IL1RAPL1: variants seen among roughly 807,000 people sequenced by gnomAD.
The protein encoded by IL1RAPL1 is interleukin 1 receptor accessory protein like 1.
A neutral mutation model predicts 48.4 loss-of-function variants in IL1RAPL1; 3 were observed. That is an observed-to-expected ratio of 0.06 (90% CI 0.03 to 0.16). IL1RAPL1 has a LOEUF of 0.16. Among genes scored for constraint, IL1RAPL1 ranks in the 10% least tolerant of loss-of-function variants. IL1RAPL1 has a pLI of 1.00. For synonymous variants in IL1RAPL1, 185 were observed against 187.7 expected, an observed-to-expected ratio of 0.99 and a Z score of 0.12; for missense variants, 349 against 530.6, an observed-to-expected ratio of 0.66 and a Z score of 3.36.
intron 5 of IL1RAPL1, among the ~76,000 whole-genome samples, chrX:29,427,107 G>T (rs894740696): frequency 9.0e-6 from 1 of 111,721 alleles, no homozygotes; most frequent in Admixed American, 9.6e-5. Flanking sequence ...GAACATGGGG[G>T]TGTTAACATT....
chrX:29,331,682 A>G (rs756879083), intron 3 of IL1RAPL1, among the ~76,000 whole-genome samples: 25 of 112,198 alleles, frequency 2.2e-4, no homozygotes, highest in Middle Eastern at 9.3e-3. Context: ...TTCCAACTTC[A>G]ATTTTAACAT....
intron 3 of IL1RAPL1, among the ~76,000 whole-genome samples, chrX:29,337,504 G>A (rs1439794264): frequency 9.0e-6 from 1 of 111,140 alleles, no homozygotes; most frequent in African/African-American, 3.3e-5. Flanking sequence ...TGACCCTTGA[G>A]TTTATGCTTA....
At chrX:28,797,709 C>T (rs1283849808) in intron 2 of IL1RAPL1, among the ~76,000 whole-genome samples, 1 of 111,639 alleles carries the variant, frequency 9.0e-6, no homozygotes, top group Non-Finnish European at 1.9e-5. Context: ...CCCACCTTTT[C>T]CTGTCTTCTT....
intron 1 of IL1RAPL1, among the ~76,000 whole-genome samples, chrX:28,632,818 A>G (rs769924709): frequency 6.9e-4 from 76 of 109,514 alleles, no homozygotes; most frequent in African/African-American, 2.1e-3. Flanking sequence ...GAATTTGCAT[A>G]TCTGCAACTA....
chrX:29,501,705 G>T (rs775689016), intron 5 of IL1RAPL1, among the ~76,000 whole-genome samples: 1 of 109,311 alleles, frequency 9.1e-6, no homozygotes, highest in Non-Finnish European at 1.9e-5. Context: ...TGCTGATTTG[G>T]TTACTATGTC....
At chrX:29,252,109 C>A (rs867482945) in intron 2 of IL1RAPL1, among the ~76,000 whole-genome samples, 15 of 99,885 alleles carry the variant, frequency 1.5e-4, no homozygotes, top group Middle Eastern at 5.3e-3. Context: ...ACTCTGGGGA[C>A]TGTTGTGGGG....
chrX:29,393,560 G>C (rs1021116832), intron 3 of IL1RAPL1, among the ~76,000 whole-genome samples: 1 of 110,992 alleles, frequency 9.0e-6, no homozygotes, highest in Non-Finnish European at 1.9e-5. Flanking sequence ...TGAATGTCTC[G>C]TATTCCATAC....
Position 29,652,000 on chromosome X carries a change from T to C in IL1RAPL1, c.704-16430T>C, listed in dbSNP as rs766312705. 4.5e-5 allele frequency among the ~76,000 whole-genome samples: 5 copies of C among 112,054 alleles called. No individual in the cohort carries two copies. In the East Asian group the frequency reaches 1.1e-3, roughly 25 times the overall value. ...TCCTGTAGTGTATTTTCAAGATGAATAAGTTTTCTAAAGTAACTGAAGCAT... is the reference window on the plus strand; with the variant it reads ...TCCTGTAGTGTATTTTCAAGATGAACAAGTTTTCTAAAGTAACTGAAGCAT... On this transcript the variant is annotated intron_variant, in intron 5 of 10. Coordinates refer to ENST00000378993, the MANE Select transcript of IL1RAPL1 (RefSeq NM_014271.4).
chrX:29,246,823 G>A (rs1931522488), intron 2 of IL1RAPL1, among the ~76,000 whole-genome samples: 1 of 111,220 alleles, frequency 9.0e-6, no homozygotes. Flanking sequence ...CAAAGATTGA[G>A]AGTTCTGAAA....
intron 2 of IL1RAPL1, among the ~76,000 whole-genome samples, chrX:29,112,715 A>G (rs1386033354): frequency 9.2e-6 from 1 of 108,884 alleles, no homozygotes; most frequent in Non-Finnish European, 1.9e-5. Flanking sequence ...ATGTCTGACC[A>G]TTCACTAGGA....
chrX:29,474,845 A>C (rs1012837979), intron 5 of IL1RAPL1, among the ~76,000 whole-genome samples: 1 of 111,472 alleles, frequency 9.0e-6, no homozygotes, highest in African/African-American at 3.3e-5. Context: ...TTTGGAGGGA[A>C]TACACATCCA....
intron 2 of IL1RAPL1, among the ~76,000 whole-genome samples, chrX:28,972,290 G>T (rs1423702805): frequency 3.6e-5 from 4 of 111,691 alleles, no homozygotes; most frequent in African/African-American, 1.3e-4. Context: ...TACATTGCTA[G>T]ACATAAAACA....
intron 2 of IL1RAPL1, among the ~76,000 whole-genome samples, chrX:29,201,914 C>T (rs769503368): frequency 1.2e-4 from 13 of 111,770 alleles, no homozygotes; most frequent in East Asian, 2.8e-4. Context: ...AGGCTGGTTG[C>T]GAACTCCTGA....
intron 2 of IL1RAPL1, among the ~76,000 whole-genome samples, chrX:28,858,380 A>G (rs982631833): frequency 1.8e-5 from 2 of 112,068 alleles, no homozygotes; most frequent in African/African-American, 3.2e-5. Flanking sequence ...ACAGCATTGC[A>G]TGCTACAAAT....
chrX:29,621,956 G>A (rs770363231), intron 5 of IL1RAPL1, among the ~76,000 whole-genome samples: 16 of 111,729 alleles, frequency 1.4e-4, no homozygotes, highest in Non-Finnish European at 2.3e-4. Context: ...CAACCAATAT[G>A]CTATCTTCTT....
intron 2 of IL1RAPL1, among the ~76,000 whole-genome samples, chrX:28,790,502 A>G (rs1336493970): frequency 8.9e-6 from 1 of 112,954 alleles, no homozygotes; most frequent in Admixed American, 9.3e-5. Context: ...TCCTGGGGAT[A>G]AAGTCTGAAG....
intron 2 of IL1RAPL1, among the ~76,000 whole-genome samples, chrX:28,820,007 T>TAC (rs1216090856): frequency 3.6e-5 from 3 of 82,791 alleles, no homozygotes; most frequent in African/African-American, 1.5e-4. Context: ...TATATATATA[T>TAC]ATATATACAT....
intron 1 of IL1RAPL1, among the ~76,000 whole-genome samples, chrX:28,680,931 G>T (rs1935053123): frequency 9.0e-6 from 1 of 111,474 alleles, no homozygotes; most frequent in African/African-American, 3.3e-5. Context: ...ATATTGGAGT[G>T]ATATTGGCCT....
intron 2 of IL1RAPL1, among the ~76,000 whole-genome samples, chrX:29,087,938 G>A (rs992633925): frequency 3.6e-5 from 4 of 111,930 alleles, no homozygotes; most frequent in Admixed American, 9.5e-5. Context: ...AGGCTGAAGT[G>A]GAAGGGTCAC....
Sources: gnomAD v4.1 joint callset for allele counts (sites outside exome capture counted in the v4.1 genomes callset) on GRCh38, gnomAD v4.1.1 for gene constraint, MANE v1.5 for transcripts, NCBI Gene and HGNC (gene_info 2026-07-23, HGNC 2026-07-21) for gene names.